The following COL26A1 variants were observed in gnomAD, a reference collection of about 807,000 sequenced individuals.
COL26A1 encodes collagen alpha-1(XXVI) chain.
Under a neutral mutation model 59.3 loss-of-function variants are expected in COL26A1, and 41 were observed. The observed-to-expected ratio is 0.69, with a 90% CI of 0.54 to 0.90. The LOEUF is 0.90. Ranked by LOEUF, COL26A1 falls within the 40% of genes least tolerant of loss-of-function variation. The pLI is 0.00. For synonymous variants in COL26A1, 266 were observed against 256.0 expected, an observed-to-expected ratio of 1.04 and a Z score of -0.37; for missense variants, 612 against 602.3, an observed-to-expected ratio of 1.02 and a Z score of -0.17.
At chr7:101,500,305 A>C (rs972683354) in intron 3 of COL26A1, among the ~76,000 whole-genome samples, 3 of 152,198 alleles carry the variant, frequency 2.0e-5, no homozygotes, top group Middle Eastern at 3.2e-3. Context: ...CTGGGCTACA[A>C]GGCTCATAGC....
At chr7:101,515,109 A>G (rs1795002508) in intron 3 of COL26A1, among the ~76,000 whole-genome samples, 1 of 152,212 alleles carries the variant, frequency 6.6e-6, no homozygotes, top group African/African-American at 2.4e-5. Context: ...TGGTTGCTCC[A>G]GACCAGTGTC....
At chr7:101,491,588 T>A (rs1254706469) in intron 3 of COL26A1, among the ~76,000 whole-genome samples, 1 of 152,220 alleles carries the variant, frequency 6.6e-6, no homozygotes, top group Non-Finnish European at 1.5e-5. Context: ...CTTGATGATA[T>A]GCTAAACAAG....
chr7:101,402,787 TG>T (rs1347579350), intron 1 of COL26A1, among the ~76,000 whole-genome samples: 1 of 121,816 alleles, frequency 8.2e-6, no homozygotes, highest in Non-Finnish European at 1.7e-5. Flanking sequence ...TTTCCTGTCC[TG>T]TCCTTTCCCT....
chr7:101,367,671 GAAAAAA>G (rs60293558), intron 1 of COL26A1, among the ~76,000 whole-genome samples: 1 of 111,698 alleles, frequency 9.0e-6, no homozygotes, highest in Admixed American at 1.0e-4. Flanking sequence ...TCTCAAAAAA[GAAAAAA>G]AAAAAAAAAA....
chr7:101,554,960 G>A (rs1795935754), intron 11 of COL26A1, among the ~76,000 whole-genome samples: 1 of 152,062 alleles, frequency 6.6e-6, no homozygotes, highest in South Asian at 2.1e-4. Context: ...CCAGTAGGAT[G>A]CTTTTTGGTT....
intron 3 of COL26A1, among the ~76,000 whole-genome samples, chr7:101,525,890 C>T (rs1455872524): frequency 6.6e-6 from 1 of 152,134 alleles, no homozygotes; most frequent in African/African-American, 2.4e-5. Flanking sequence ...ACACTGACAC[C>T]CCAATGCTAC....
chr7:101,484,466 G>C (rs896611231), intron 3 of COL26A1, among the ~76,000 whole-genome samples: 3 of 151,990 alleles, frequency 2.0e-5, no homozygotes, highest in African/African-American at 4.8e-5. Context: ...TGCCTCCCAG[G>C]TTCCAGCGAT....
intron 1 of COL26A1, among the ~76,000 whole-genome samples, chr7:101,402,370 A>T (rs1230543410): frequency 2.0e-5 from 3 of 152,052 alleles, no homozygotes; most frequent in Admixed American, 1.3e-4. Flanking sequence ...TAAAAGCAGG[A>T]ATCCTGGCGG....
chr7:101,543,633 G>A (rs1344803626), intron 5 of COL26A1, among the ~76,000 whole-genome samples: 3 of 152,128 alleles, frequency 2.0e-5, no homozygotes, highest in African/African-American at 2.4e-5. Context: ...CCACAAGCCC[G>A]GTTCTTGACC....
At chr7:101,547,895 A>AT (rs1795774899) in intron 8 of COL26A1, among the ~76,000 whole-genome samples, 1 of 152,152 alleles carries the variant, frequency 6.6e-6, no homozygotes, top group Non-Finnish European at 1.5e-5. Flanking sequence ...CTGCCACTAC[A>AT]TGTGCCAGAC....
At chr7:101,495,708 C>T (rs1378883328) in intron 3 of COL26A1, among the ~76,000 whole-genome samples, 7 of 151,302 alleles carry the variant, frequency 4.6e-5, no homozygotes, top group Admixed American at 2.6e-4. Flanking sequence ...CATGAGCCAC[C>T]GCGCCCGGCC....
intron 3 of COL26A1, among the ~76,000 whole-genome samples, chr7:101,478,113 C>G (rs1293332688): frequency 6.6e-6 from 1 of 151,994 alleles, no homozygotes; most frequent in Non-Finnish European, 1.5e-5. Context: ...CTCCTGAGTA[C>G]CTGGGATTAC....
At chr7:101,463,782 T>TC (rs1207627775) in intron 3 of COL26A1, among the ~76,000 whole-genome samples, 7 of 127,086 alleles carry the variant, frequency 5.5e-5, no homozygotes, top group African/African-American at 2.1e-4. Flanking sequence ...TCTTTCTTTC[T>TC]TTCTTCCTTT....
intron 1 of COL26A1, among the ~76,000 whole-genome samples, chr7:101,371,021 A>G (rs1791179783): frequency 6.6e-6 from 1 of 152,128 alleles, no homozygotes; most frequent in Admixed American, 6.6e-5. Flanking sequence ...TACTCCCTAC[A>G]GGAGTGGCTC....
chr7:101,448,818 C>T (rs1793261879), intron 3 of COL26A1, among the ~76,000 whole-genome samples: 1 of 152,184 alleles, frequency 6.6e-6, no homozygotes, highest in Non-Finnish European at 1.5e-5. Context: ...TATTTGGAAA[C>T]AGTAGCTGTC....
chr7:101,388,746 T>G (rs1484609068), intron 1 of COL26A1: 2 of 152,206 alleles, frequency 1.3e-5, no homozygotes, highest in Non-Finnish European at 2.9e-5. Context: ...TTTTGTACTT[T>G]TAGTAGAAAC....
intron 3 of COL26A1, among the ~76,000 whole-genome samples, chr7:101,483,051 G>A (rs1457675435): frequency 6.6e-6 from 1 of 152,094 alleles, no homozygotes; most frequent in East Asian, 1.9e-4. Context: ...GATCTTTTAC[G>A]GCCTCAACCT....
intron 1 of COL26A1, among the ~76,000 whole-genome samples, chr7:101,411,499 C>T (rs146589907): frequency 6.4e-4 from 97 of 151,882 alleles, no homozygotes; most frequent in African/African-American, 2.3e-3. Flanking sequence ...AGGCACGGTG[C>T]CTAATTGGCC....
At chr7:101,495,795 C>T (rs1455434808) in intron 3 of COL26A1, among the ~76,000 whole-genome samples, 1 of 150,956 alleles carries the variant, frequency 6.6e-6, no homozygotes, top group Non-Finnish European at 1.5e-5. Flanking sequence ...TCACACATAA[C>T]CAGAAACGTG....
Sources: gnomAD v4.1 joint callset for allele counts (sites outside exome capture counted in the v4.1 genomes callset) on GRCh38, gnomAD v4.1.1 for gene constraint, MANE v1.5 for transcripts, NCBI Gene and HGNC (gene_info 2026-07-23, HGNC 2026-07-21) for gene names.